The following LDB3 variants were observed in gnomAD, a reference collection of about 807,000 sequenced individuals.
LDB3 encodes the protein LIM domain-binding protein 3.
A neutral mutation model predicts 69.0 loss-of-function variants in LDB3; 49 were observed. That is an observed-to-expected ratio of 0.71 (90% CI 0.56 to 0.90). The LOEUF (loss-of-function observed/expected upper bound fraction) is 0.90, where lower values mean the gene tolerates loss of function less well. Ranked by LOEUF, LDB3 falls within the 40% of genes least tolerant of loss-of-function variation. The pLI is 0.00. For synonymous variants in LDB3, 387 were observed against 396.2 expected (o/e 0.98, Z 0.28); for missense variants, 928 against 974.1 (o/e 0.95, Z 0.63).
In LDB3 at chr10:86,681,608, G is replaced by A. The variant is rs61857115; in HGVS notation, c.494G>A (p.Arg165Gln). Reference protein sequence around the residue: ...LAEASDPGPPRASLRAKTSPE... With the variant: ...LAEASDPGPPQASLRAKTSPE... ...GAGGCCTCTGACCCTGGCCCTCCGCGGGCCAGCCTGAGGGCCAAGACCAGC... is the reference window on the plus strand; with the variant it reads ...GAGGCCTCTGACCCTGGCCCTCCGCAGGCCAGCCTGAGGGCCAAGACCAGC... Residue 165 changes from arginine (R) to glutamine (Q), a missense_variant, in exon 5 of 14, where the codon CGG (arginine) becomes CAG (glutamine). Arg to Gln is a conservative substitution (Grantham distance 43). Coordinates refer to ENST00000361373, the MANE Select transcript of LDB3 (RefSeq NM_007078.3). 2.4e-5 allele frequency: 38 copies of A among 1,612,898 alleles called. No individual in the cohort carries two copies. Among genetic ancestry groups the A allele is most frequent in the African/African-American group, 6.7e-5 (5 of 74,930 alleles).
intron 2 of LDB3, among the ~76,000 whole-genome samples, chr10:86,674,045 A>T (rs1253990481): frequency 1.3e-5 from 2 of 152,062 alleles, no homozygotes; most frequent in Non-Finnish European, 2.9e-5. Context: ...CTGGCTCAGA[A>T]CTGGTCAGTC....
intron 6 of LDB3, 56 bp downstream of exon 6, chr10:86,692,121 G>T: frequency 6.3e-7 from 1 of 1,597,224 alleles, no homozygotes; most frequent in Non-Finnish European, 8.6e-7. Context: ...GGGGCCACCA[G>T]GGACCTGGGC....
At chr10:86,723,350 G>A (rs1190732714) in intron 12 of LDB3, among the ~76,000 whole-genome samples, 1 of 151,152 alleles carries the variant, frequency 6.6e-6, no homozygotes, top group Non-Finnish European at 1.5e-5. Context: ...GGAAGGCCAG[G>A]GAAAGCCTTC....
intron 9 of LDB3, among the ~76,000 whole-genome samples, chr10:86,715,388 G>T (rs1846829393): frequency 6.6e-6 from 1 of 152,180 alleles, no homozygotes. Context: ...GGTGCAGCTG[G>T]GTCTGCCCTG....
At position 86,685,693 on chromosome 10, in the gene LDB3, C is replaced by A; in HGVS notation, c.689+3890C>A. On this transcript the variant is annotated intron_variant, in intron 5 of 13. Transcript: ENST00000361373. ...TCCTCCCCAGGTGGTAGTCAACTCT[C>A]CAGCCAAGTTAGTATCAAAGGACAG... 34 of 1,614,202 alleles carry A rather than the reference C, an allele frequency of 2.1e-5. No homozygotes were observed. The highest frequency in any genetic ancestry group is 2.6e-5 in the Non-Finnish European group (31 of 1,180,034).
intron 5 of LDB3, among the ~76,000 whole-genome samples, chr10:86,683,409 G>A (rs1211314391): frequency 6.6e-6 from 1 of 152,234 alleles, no homozygotes; most frequent in African/African-American, 2.4e-5. Context: ...CACACAGCTA[G>A]TAAGTGGCAG....
intron 12 of LDB3, among the ~76,000 whole-genome samples, chr10:86,724,274 T>C (rs1847181295): frequency 1.3e-5 from 2 of 150,636 alleles, no homozygotes; most frequent in South Asian, 2.1e-4. Context: ...ATTGTGCCAC[T>C]GCACTCCACC....
chr10:86,667,552 C>T (rs1844229314), upstream of LDB3, among the ~76,000 whole-genome samples: 1 of 152,228 alleles, frequency 6.6e-6, no homozygotes, highest in Non-Finnish European at 1.5e-5. Flanking sequence ...CTCCCTGCCC[C>T]TCCTGGCCCT....
chr10:86,677,547 A>C (rs991720025), intron 2 of LDB3, among the ~76,000 whole-genome samples: 2 of 152,194 alleles, frequency 1.3e-5, no homozygotes, highest in African/African-American at 4.8e-5. Flanking sequence ...CCACGATGAC[A>C]TCCCAAGTAA....
At chr10:86,730,547 A>G (rs919620069) in intron 13 of LDB3, among the ~76,000 whole-genome samples, 1 of 152,168 alleles carries the variant, frequency 6.6e-6, no homozygotes, top group African/African-American at 2.4e-5. Context: ...CCTTTCTTCT[A>G]TGGGGTAGGG....
chr10:86,702,527 G>A (rs1042240863), intron 7 of LDB3, among the ~76,000 whole-genome samples: 8 of 152,158 alleles, frequency 5.3e-5, no homozygotes, highest in Admixed American at 2.0e-4. Context: ...TCCTGGCCAC[G>A]CCAACCCCCC....
At chr10:86,681,875 G>T in intron 5 of LDB3, 72 bp downstream of exon 5, 1 of 1,454,716 alleles carries the variant, frequency 6.9e-7, no homozygotes, top group Non-Finnish European at 9.3e-7. Flanking sequence ...GCAGAGACCT[G>T]GTCAGGTGGT....
rs752967894 is a variant in LDB3 at position 86,716,664 on chromosome 10, A to G, written c.1569A>G (p.Pro523=). The G allele has an allele frequency of 3.1e-6, 5 of 1,614,012 alleles. No individual in the cohort carries two copies. In the South Asian group the frequency reaches 5.5e-5, roughly 18 times the overall value. Residue 523 remains proline (P), a synonymous_variant, in exon 10 of 14, where the codon CCA becomes CCG. Transcript: ENST00000361373. ...CCCGGGGAGGCCCAGCCTACACCCCAGCGGGTCCTCAGGTGCCACCACTTG... is the reference window on the plus strand; with the variant it reads ...CCCGGGGAGGCCCAGCCTACACCCCGGCGGGTCCTCAGGTGCCACCACTTG... ...TLPRGGPAYT[P]AGPQVPPLAR...
At chr10:86,718,979 GT>G in intron 12 of LDB3, 132 bp downstream of exon 12, 5 of 1,198,202 alleles carry the variant, frequency 4.2e-6, no homozygotes, top group Non-Finnish European at 5.7e-6. Context: ...AGAAACCTTT[GT>G]TTTTGCTTTT....
intron 2 of LDB3, among the ~76,000 whole-genome samples, chr10:86,670,947 G>A (rs1259288383): frequency 6.6e-6 from 1 of 152,214 alleles, no homozygotes; most frequent in Non-Finnish European, 1.5e-5. Context: ...ACACAGCCCT[G>A]CCATCCCACC....
Position 86,680,173 on chromosome 10 carries a change from G to C in LDB3, c.321+16G>C. 1 of 1,611,572 alleles carries C rather than the reference G, an allele frequency of 6.2e-7. No individual in the cohort carries two copies. The highest frequency in any genetic ancestry group is 8.5e-7 in the Non-Finnish European group (1 of 1,177,824). On this transcript the variant is annotated intron_variant, in intron 4 of 13. Transcript: ENST00000361373. ...TCACCAGAAGGTAGGTGCTGACTGTGGCGGCGGGGTCCACTCAGCCCTGGT... is the reference window on the plus strand; with the variant it reads ...TCACCAGAAGGTAGGTGCTGACTGTCGCGGCGGGGTCCACTCAGCCCTGGT...
chr10:86,678,495 A>T (rs1844930827), intron 2 of LDB3, among the ~76,000 whole-genome samples: 1 of 151,574 alleles, frequency 6.6e-6, no homozygotes, highest in Non-Finnish European at 1.5e-5. Flanking sequence ...GCCCACCACC[A>T]GGCATGGCTA....
At position 86,698,807 on chromosome 10, in the gene LDB3, G is replaced by A. The variant is rs142932366; in HGVS notation, c.896+6236G>A. Among the ~76,000 whole-genome samples, 541 of 152,258 alleles carry A rather than the reference G, an allele frequency of 3.6e-3. 4 individuals are homozygous for A. The highest frequency in any genetic ancestry group is 5.9e-3 in the Non-Finnish European group (402 of 68,016). ...AGGTCTGCCCACCAAGCCTCATCAC[G>A]GGGGATAGGTGCTCCTTCTTCTTGA... On this transcript the variant is annotated intron_variant, in intron 7 of 13. Coordinates refer to ENST00000361373, the MANE Select transcript of LDB3 (RefSeq NM_007078.3).
At chr10:86,672,559 G>A (rs935843835) in intron 2 of LDB3, among the ~76,000 whole-genome samples, 3 of 152,210 alleles carry the variant, frequency 2.0e-5, no homozygotes, top group South Asian at 4.1e-4. Flanking sequence ...AGGCCGTGCT[G>A]TTTATAGCCG....
Sources: gnomAD v4.1 joint callset for allele counts (sites outside exome capture counted in the v4.1 genomes callset) on GRCh38, gnomAD v4.1.1 for gene constraint, MANE v1.5 for transcripts, NCBI Gene and HGNC (gene_info 2026-07-23, HGNC 2026-07-21) for gene names.